Variants in MAPRE1 observed in about 807,000 individuals in gnomAD.
MAPRE1 encodes the protein microtubule associated protein RP/EB family member 1.
A neutral mutation model predicts 32.1 loss-of-function variants in MAPRE1; 5 were observed. The ratio of observed to expected loss-of-function variants is 0.16; its 90% confidence interval spans 0.08 to 0.33. The LOEUF is 0.33. Among genes scored for constraint, MAPRE1 ranks in the 10% least tolerant of loss-of-function variants. MAPRE1 has a pLI of 1.00. For synonymous variants in MAPRE1, 122 were observed against 118.9 expected, an observed-to-expected ratio of 1.03 and a Z score of -0.17; for missense variants, 209 against 327.2, an observed-to-expected ratio of 0.64 and a Z score of 2.79.
At chr20:32,824,680 A>AG (rs960322718) in intron 1 of MAPRE1, among the ~76,000 whole-genome samples, 2 of 142,044 alleles carry the variant, frequency 1.4e-5, no homozygotes, top group African/African-American at 5.4e-5. Context: ...AAGAATTTAT[A>AG]GTTTTTTTTT....
intron 1 of MAPRE1, among the ~76,000 whole-genome samples, chr20:32,820,363 G>T (rs1348333655): frequency 1.3e-5 from 2 of 148,886 alleles, no homozygotes; most frequent in African/African-American, 2.5e-5. Flanking sequence ...GTGTGGGCGA[G>T]GTGGGCCGTC....
chr20:32,834,172 T>C (rs1203323095), intron 3 of MAPRE1, among the ~76,000 whole-genome samples: 1 of 152,198 alleles, frequency 6.6e-6, no homozygotes, highest in Non-Finnish European at 1.5e-5. Context: ...AATCTAACTC[T>C]CTTAATCTGG....
intron 6 of MAPRE1, among the ~76,000 whole-genome samples, chr20:32,847,648 G>A (rs1600337073): frequency 6.6e-6 from 1 of 152,152 alleles, no homozygotes; most frequent in Non-Finnish European, 1.5e-5. Context: ...AGATATAGGG[G>A]GTCCTTGGTT....
chr20:32,831,590 T>A (rs1333649493), intron 2 of MAPRE1, among the ~76,000 whole-genome samples: 2 of 151,552 alleles, frequency 1.3e-5, no homozygotes, highest in Admixed American at 6.6e-5. Flanking sequence ...GTGCAATGAA[T>A]GGTGCGATCT....
chr20:32,831,866 T>A (rs1224338186), intron 2 of MAPRE1, among the ~76,000 whole-genome samples: 1 of 151,350 alleles, frequency 6.6e-6, no homozygotes, highest in Non-Finnish European at 1.5e-5. Context: ...TGTAAAATAG[T>A]ACTGGGTAAA....
In MAPRE1 at chr20:32,825,841, T is replaced by C. The variant is rs771712088; in HGVS notation, c.-3-84T>C. 8 of 1,136,988 alleles carry C rather than the reference T, an allele frequency of 7.0e-6. No homozygotes were observed. In the East Asian group the frequency reaches 2.0e-4, roughly 28 times the overall value. 70.4% of individuals were successfully genotyped at this position (1,136,988 alleles called of 1,614,324 possible). On this transcript the variant is annotated intron_variant, in intron 1 of 6. Transcript: ENST00000375571. ...AAATTGAGTGTTCCTACAGGTTTGC[T>C]TTTGGTGACTCTCTAGGAAACACTT... is the stretch of plus-strand genomic sequence containing the variant.
intron 5 of MAPRE1, among the ~76,000 whole-genome samples, chr20:32,845,470 G>A (rs576302813): frequency 1.6e-4 from 24 of 152,180 alleles, no homozygotes; most frequent in Non-Finnish European, 2.9e-5. Flanking sequence ...TTTGAAATTC[G>A]TTTTGATAAA....
chr20:32,839,433 T>G (rs993214817), intron 4 of MAPRE1, among the ~76,000 whole-genome samples: 2 of 152,244 alleles, frequency 1.3e-5, no homozygotes, highest in East Asian at 3.8e-4. Context: ...CCAGAATGAC[T>G]GTACCCCTTT....
chr20:32,832,537 G>T (rs1983063990), intron 2 of MAPRE1, among the ~76,000 whole-genome samples: 1 of 150,208 alleles, frequency 6.7e-6, no homozygotes, highest in Non-Finnish European at 1.5e-5. Flanking sequence ...TGTGATCATG[G>T]CTCACTGCAG....
intron 2 of MAPRE1, among the ~76,000 whole-genome samples, chr20:32,833,234 A>G (rs955661074): frequency 6.6e-6 from 1 of 152,130 alleles, no homozygotes; most frequent in African/African-American, 2.4e-5. Flanking sequence ...GGTTAAATGT[A>G]TTTAGAGATG....
Position 32,839,851 on chromosome 20 carries a change from C to A in MAPRE1, c.592C>A (p.Gln198Lys). ...NGDDEAAELM[Q>K]QVNVLKLTVE... ...AGACGACGAGGCAGCTGAGTTGATGCAGCAGGTGGGCACCCCTGTGTTTAG... is the reference window on the plus strand; with the variant it reads ...AGACGACGAGGCAGCTGAGTTGATGAAGCAGGTGGGCACCCCTGTGTTTAG... The change falls in exon 5 of 7, where the codon CAG becomes AAG. Residue 198 changes from glutamine (Q) to lysine (K), a missense_variant. By Grantham distance (53) the Gln-to-Lys change is moderately conservative. Around this residue, in one of 3 missense-constraint regions of MAPRE1, gnomAD observed 106 missense variants for 115.3 expected, o/e 0.92. Transcript: ENST00000375571. 1 of 1,614,112 alleles carries A rather than the reference C, an allele frequency of 6.2e-7. No homozygotes were observed. The highest frequency in any genetic ancestry group is 8.5e-7 in the Non-Finnish European group (1 of 1,179,970).
At chr20:32,820,123 G>A (rs1372850218) in intron 1 of MAPRE1, 95 bp downstream of exon 1, 1 of 151,806 alleles carries the variant, frequency 6.6e-6, no homozygotes, top group Non-Finnish European at 1.5e-5. Flanking sequence ...GGCAGCGCCA[G>A]GGCCGTTCCA....
intron 2 of MAPRE1, among the ~76,000 whole-genome samples, chr20:32,828,312 GTT>G (rs1454435478): frequency 6.6e-6 from 1 of 152,182 alleles, no homozygotes; most frequent in Non-Finnish European, 1.5e-5. Context: ...GGTCATCCTA[GTT>G]TTCACTGGAG....
At chr20:32,826,633 T>C (rs1982860775) in intron 2 of MAPRE1, among the ~76,000 whole-genome samples, 1 of 148,404 alleles carries the variant, frequency 6.7e-6, no homozygotes, top group Non-Finnish European at 1.5e-5. Flanking sequence ...TTCAAGCGAT[T>C]CTCCTACTTT....
In MAPRE1 at chr20:32,836,037, C is replaced by T. The variant is rs926210505; in HGVS notation, c.268-597C>T. ...AGTGCAGTGGCACAGTCTCGACTCA[C>T]TGCAACCTCTGTCTCCTGGGCTCAA... On this transcript the variant is annotated intron_variant, in intron 3 of 6. Transcript: ENST00000375571. Among the ~76,000 whole-genome samples, 3 of 152,346 alleles carry T rather than the reference C, an allele frequency of 2.0e-5. No individual in the cohort carries two copies. In the South Asian group the frequency reaches 6.2e-4, roughly 32 times the overall value.
intron 1 of MAPRE1, among the ~76,000 whole-genome samples, chr20:32,822,676 G>A (rs1601157721): frequency 1.3e-5 from 2 of 152,114 alleles, no homozygotes; most frequent in African/African-American, 2.4e-5. Context: ...GGGAACTGAG[G>A]TACATTGAGT....
intron 2 of MAPRE1, among the ~76,000 whole-genome samples, chr20:32,827,312 G>A (rs574510917): frequency 2.0e-5 from 3 of 152,254 alleles, no homozygotes; most frequent in Non-Finnish European, 4.4e-5. Context: ...GGAGGCTGAG[G>A]CAGGAGAAAC....
chr20:32,834,319 T>A (rs967993798), intron 3 of MAPRE1, among the ~76,000 whole-genome samples: 1 of 152,186 alleles, frequency 6.6e-6, no homozygotes, highest in Non-Finnish European at 1.5e-5. Context: ...ACTTGCTTTT[T>A]ATAGAAGGTT....
chr20:32,847,299 T>C (rs1049158677), intron 6 of MAPRE1, among the ~76,000 whole-genome samples: 1 of 152,214 alleles, frequency 6.6e-6, no homozygotes, highest in Non-Finnish European at 1.5e-5. Flanking sequence ...TATTGCACAG[T>C]CAAATCTGTT....
Sources: gnomAD v4.1 joint callset for allele counts (sites outside exome capture counted in the v4.1 genomes callset) on GRCh38, gnomAD v4.1.1 for gene constraint, gnomAD v4.1.1 regional missense constraint, MANE v1.5 for transcripts, NCBI Gene and HGNC (gene_info 2026-07-23, HGNC 2026-07-21) for gene names.